The following HMCN2 variants were observed in gnomAD, a reference collection of about 807,000 sequenced individuals.
The protein encoded by HMCN2 is hemicentin 2.
A neutral mutation model predicts 377.5 loss-of-function variants in HMCN2; 325 were observed. That is an observed-to-expected ratio of 0.86 (90% CI 0.79 to 0.94). The LOEUF (loss-of-function observed/expected upper bound fraction) is 0.94. Among genes scored for constraint, HMCN2 ranks in the 40% least tolerant of loss-of-function variants. The pLI, the probability that HMCN2 is intolerant of heterozygous loss-of-function variation, is 0.00. For missense variants in HMCN2, 4,543 were observed against 4,725.3 expected (o/e 0.96, Z 1.13); for synonymous variants, 2,007 against 2,046.8 (o/e 0.98, Z 0.53).
At chr9:130,323,456 C>T (rs1837955494) in intron 19 of HMCN2, among the ~76,000 whole-genome samples, 1 of 152,200 alleles carries the variant, frequency 6.6e-6, no homozygotes, top group African/African-American at 2.4e-5. Context: ...AAACACTGCT[C>T]ATCTATCCAT....
Position 130,388,407 on chromosome 9 carries a change from A to C in HMCN2, c.9392-2A>C. 1 of 988,000 alleles carries C rather than the reference A, an allele frequency of 1.0e-6. No individual in the cohort carries two copies. Among genetic ancestry groups the C allele is most frequent in the Non-Finnish European group, 1.2e-6 (1 of 830,108 alleles). 61.2% of individuals were successfully genotyped at this position (988,000 alleles called of 1,614,324 possible). A position where few individuals can be genotyped will look rare whatever the true frequency, so the allele number is the denominator to read the frequency against. On this transcript the variant is annotated splice_acceptor_variant, in intron 61 of 97. Coordinates refer to ENST00000683500, the MANE Select transcript of HMCN2 (RefSeq NM_001291815.2). LOFTEE classifies it high-confidence loss of function. Reference sequence around the variant, plus strand: ...TCTGACAGTCTGGCTTTCTTCCTGCAGTGCCCCCAACATTTGAGAACCCCA... The same window carrying C: ...TCTGACAGTCTGGCTTTCTTCCTGCCGTGCCCCCAACATTTGAGAACCCCA...
Position 130,351,056 on chromosome 9 carries a change from G to A in HMCN2, c.4431-367G>A, listed in dbSNP as rs1191357192. Among the ~76,000 whole-genome samples, 1 of 152,114 alleles carries A rather than the reference G, an allele frequency of 6.6e-6. No individual in the cohort carries two copies. The highest frequency in any genetic ancestry group is 1.5e-5 in the Non-Finnish European group (1 of 68,022). ...CGCTGTCCCCTTCTCCCCAGCCCCTGGCAACCACAAGCCTGCTTTCCTTCT... is the reference window on the plus strand; with the variant it reads ...CGCTGTCCCCTTCTCCCCAGCCCCTAGCAACCACAAGCCTGCTTTCCTTCT... On this transcript the variant is annotated intron_variant, in intron 29 of 97. Coordinates refer to ENST00000683500, the MANE Select transcript of HMCN2 (RefSeq NM_001291815.2). The surrounding 1 kb of genome is among the most constrained non-coding windows in gnomAD (Gnocchi z 5.4).
rs61734919 is a variant in HMCN2 at position 130,384,761 on chromosome 9, C to T, written c.9069C>T (p.Ala3023=). Residue 3023 remains alanine, a synonymous_variant, in exon 59 of 98, where the codon GCC becomes GCT. Transcript: ENST00000683500. ...ACACATGCGAAGCCCTCAATGCTGC[C>T]GGCCGAGACCAGAAGCTGGTGCAGC... ...GMYTCEALNA[A]GRDQKLVQLS... is the part of the protein sequence containing the mutation. The T allele has an allele frequency of 6.0e-3, 7,869 of 1,303,284 alleles. 32 individuals carry two copies. The highest frequency in any genetic ancestry group is 6.2e-3 in the South Asian group (502 of 81,026). 80.7% of individuals were successfully genotyped at this position (1,303,284 alleles called of 1,614,324 possible).
At chr9:130,279,864 G>A (rs529779851) in intron 1 of HMCN2, among the ~76,000 whole-genome samples, 2 of 152,324 alleles carry the variant, frequency 1.3e-5, no homozygotes, top group African/African-American at 4.8e-5. Context: ...TCTTGAGAAG[G>A]GAGATTGTCC....
Position 130,406,013 on chromosome 9 carries a change from G to A in HMCN2, c.12398G>A (p.Arg4133His), listed in dbSNP as rs565553791. 8.5e-6 allele frequency: 11 copies of A among 1,289,750 alleles called. No homozygotes were observed. Among genetic ancestry groups the A allele is most frequent in the South Asian group, 4.9e-5 (4 of 81,006 alleles). The allele number at this position is 1,289,750 out of a possible 1,614,324, so 79.9% of individuals were successfully genotyped here. The change falls in exon 82 of 98, where the codon CGC becomes CAC. Residue 4133 changes from arginine to histidine, a missense_variant. Transcript: ENST00000683500. ...GAGAACGCCGTGGGCCGGGCCCGCC[G>A]CCGCGTGCACCTCACCATCCTGGTA... Reference protein sequence around the residue: ...TAENAVGRARRRVHLTILVLP... With the variant: ...TAENAVGRARHRVHLTILVLP...
At chr9:130,314,846 C>T (rs1045598066) in intron 15 of HMCN2, among the ~76,000 whole-genome samples, 18 of 152,134 alleles carry the variant, frequency 1.2e-4, no homozygotes, top group Admixed American at 5.9e-4. Flanking sequence ...ATAGAGTTAC[C>T]GCCTTCCAGA....
rs958518143 is a variant in HMCN2 at position 130,412,619 on chromosome 9, A to G, written c.12961+1967A>G. ...TGGGACAGAGTCTCACTCTGGTGCC[A>G]AGGCTGGAGTGCAGTGGCAAGATCT... On this transcript the variant is annotated intron_variant, in intron 85 of 97. Transcript: ENST00000683500. Among the ~76,000 whole-genome samples the G allele has an allele frequency of 2.9e-5, 4 of 137,802 alleles. No homozygotes were observed. The East Asian group carries it at 8.9e-4, about 31-fold the overall frequency. The allele number at this position is 137,802 out of a possible 152,430, so 90.4% of individuals were successfully genotyped here. A position where few individuals can be genotyped will look rare whatever the true frequency, so the allele number is the denominator to read the frequency against.
intron 15 of HMCN2, among the ~76,000 whole-genome samples, chr9:130,313,774 CTTT>C (rs1215426849): frequency 2.5e-5 from 2 of 81,558 alleles, no homozygotes; most frequent in East Asian, 8.0e-4. Context: ...TGTGTGTCCT[CTTT>C]TTTTTTTTTT....
chr9:130,368,406 C>G lies in HMCN2; in HGVS notation c.6756C>G (p.Asn2252Lys), dbSNP rs1414217004. Residue 2252 changes from asparagine (N) to lysine (K), a missense_variant, in exon 44 of 98, where the codon AAC becomes AAG. Physicochemically the swap from Asn to Lys is moderately conservative, Grantham distance 94. This residue lies in a region of HMCN2 where 1,032 missense variants were observed against 1,285.1 expected (regional missense o/e 0.80). Transcript: ENST00000683500. ...YTCECSNVVG[N>K]SSQDLQLEVH... ...GTGAATGCAGCAACGTGGTGGGGAACAGCAGCCAGGACCTGCAGCTGGAGG... is the reference window on the plus strand; with the variant it reads ...GTGAATGCAGCAACGTGGTGGGGAAGAGCAGCCAGGACCTGCAGCTGGAGG... The G allele has an allele frequency of 4.0e-5, 39 of 986,100 alleles. No individual in the cohort carries two copies. The highest frequency in any genetic ancestry group is 4.6e-5 in the Non-Finnish European group (38 of 830,292). 61.1% of individuals were successfully genotyped at this position (986,100 alleles called of 1,614,324 possible). A position where few individuals can be genotyped will look rare whatever the true frequency, so the allele number is the denominator to read the frequency against.
chr9:130,348,751 G>T, intron 27 of HMCN2, 76 bp downstream of exon 27: 1 of 1,282,612 alleles, frequency 7.8e-7, no homozygotes. Context: ...GGGCATTTCT[G>T]CGTGTGCCAA....
chr9:130,382,758 G>A lies in HMCN2; in HGVS notation c.8625G>A (p.Gln2875=), dbSNP rs1841800407. The A allele has an allele frequency of 2.0e-6, 2 of 985,808 alleles. No individual in the cohort carries two copies. The highest frequency in any genetic ancestry group is 2.3e-4 in the East Asian group (2 of 8,824). 61.1% of individuals were successfully genotyped at this position (985,808 alleles called of 1,614,324 possible). Residue 2875 remains glutamine, a synonymous_variant, in exon 56 of 98, where the codon CAG becomes CAA. Coordinates refer to ENST00000683500, the MANE Select transcript of HMCN2 (RefSeq NM_001291815.2). ...ATGCCAGCAGCACCGTCAGCCTGCA[G>A]TGCCCGGCCCTGGGAAACCCCGTGC... is the stretch of plus-strand genomic sequence containing the variant. ...TVNASSTVSL[Q]CPALGNPVPT...
In HMCN2 at chr9:130,269,431, A is replaced by G. The variant is rs74743059; in HGVS notation, c.259+3294A>G. Among the ~76,000 whole-genome samples, 845 of 147,894 alleles carry G rather than the reference A, an allele frequency of 5.7e-3. 80 individuals carry two copies. The East Asian group carries it at 0.14, about 24-fold the overall frequency. ...TTTTACGTAGGCTTAAGTTCCTTGA[A>G]GTGGAATTCTAGGCCATTTTTAACA... On this transcript the variant is annotated intron_variant, in intron 1 of 97. Coordinates refer to ENST00000683500, the MANE Select transcript of HMCN2 (RefSeq NM_001291815.2).
At chr9:130,350,349 A>G (rs939057792) in intron 29 of HMCN2, among the ~76,000 whole-genome samples, 2 of 146,576 alleles carry the variant, frequency 1.4e-5, no homozygotes, top group African/African-American at 5.0e-5. Context: ...CCTGCCCAAC[A>G]CAGCGAGACC....
Position 130,359,426 on chromosome 9 carries a change from C to T in HMCN2, c.5773+12C>T. 3.1e-6 allele frequency: 4 copies of T among 1,282,830 alleles called. No homozygotes were observed. Among genetic ancestry groups the T allele is most frequent in the Non-Finnish European group, 4.1e-6 (4 of 970,598 alleles). 79.5% of individuals were successfully genotyped at this position (1,282,830 alleles called of 1,614,324 possible). A position where few individuals can be genotyped will look rare whatever the true frequency, so the allele number is the denominator to read the frequency against. ...CGTGCCCCCTCCTGGTAAGACCCCT[C>T]CTCTTGGCTGAAAGCTACTTCCAGC... On this transcript the variant is annotated intron_variant, in intron 37 of 97. Transcript: ENST00000683500.
chr9:130,277,071 G>C (rs1252549607), intron 1 of HMCN2, among the ~76,000 whole-genome samples: 1 of 152,266 alleles, frequency 6.6e-6, no homozygotes, highest in Non-Finnish European at 1.5e-5. Context: ...AGCTGGGCGA[G>C]GAAGTGGGGC....
chr9:130,350,430 G>A (rs71481365), intron 29 of HMCN2, among the ~76,000 whole-genome samples: 83,885 of 141,342 alleles, frequency 0.59, 26,134 homozygotes, highest in Admixed American at 0.7. Context: ...GGTGGCAGGC[G>A]CCTGTAATCC....
At chr9:130,424,755 T>G (rs1260811845) in intron 87 of HMCN2, 21 bp from the exon 88 acceptor site, 1 of 1,522,160 alleles carries the variant, frequency 6.6e-7, no homozygotes, top group African/African-American at 1.4e-5. Flanking sequence ...TAACCCGGCC[T>G]CTATGCCCTG....
In HMCN2 at chr9:130,424,925, C is replaced by T. The variant is rs1252287504; in HGVS notation, c.13519+12C>T. 2 of 1,463,792 alleles carry T rather than the reference C, an allele frequency of 1.4e-6. No individual in the cohort carries two copies. The highest frequency in any genetic ancestry group is 2.5e-5 in the East Asian group (1 of 39,448). 90.7% of individuals were successfully genotyped at this position (1,463,792 alleles called of 1,614,324 possible). Reference sequence around the variant, plus strand: ...GGAGTTTGCTACAGGTAAACAGGGCCTCCCCCAGGTGGGCCAGGTAGGACT... The same window carrying T: ...GGAGTTTGCTACAGGTAAACAGGGCTTCCCCCAGGTGGGCCAGGTAGGACT... On this transcript the variant is annotated intron_variant, in intron 88 of 97. Coordinates refer to ENST00000683500, the MANE Select transcript of HMCN2 (RefSeq NM_001291815.2).
At chr9:130,383,149 G>A (rs953521341) in intron 56 of HMCN2, among the ~76,000 whole-genome samples, 8 of 152,262 alleles carry the variant, frequency 5.3e-5, no homozygotes, top group African/African-American at 1.7e-4. Context: ...CAGCTGGCGC[G>A]TGCAGAGCCG....
Sources: gnomAD v4.1 joint callset for allele counts (sites outside exome capture counted in the v4.1 genomes callset) on GRCh38, gnomAD v4.1.1 for gene constraint, gnomAD v4.1.1 regional missense constraint, Gnocchi (gnomAD v3.1) non-coding constraint, MANE v1.5 for transcripts, NCBI Gene and HGNC (gene_info 2026-07-23, HGNC 2026-07-21) for gene names.